ABCB1: variants seen among roughly 807,000 people sequenced by gnomAD.
The protein encoded by ABCB1 is ATP binding cassette subfamily B member 1, also known as ATP-dependent translocase ABCB1.
ABCB1 carries 69 observed loss-of-function variants against 142.0 expected under a neutral mutation model. That is an observed-to-expected ratio of 0.49 (90% CI 0.40 to 0.59). The LOEUF is 0.59. Among genes scored for constraint, ABCB1 ranks in the 20% least tolerant of loss-of-function variants. The pLI is 0.00. For missense variants in ABCB1, 1,326 were observed against 1,554.7 expected (o/e 0.85, Z 2.47); for synonymous variants, 532 against 539.2 (o/e 0.99, Z 0.18).
intron 1 of ABCB1, among the ~76,000 whole-genome samples, chr7:87,687,455 TCTTAA>T (rs1311068387): frequency 6.6e-6 from 1 of 152,166 alleles, no homozygotes; most frequent in African/African-American, 2.4e-5. Flanking sequence ...TTACATTAAG[TCTTAA>T]CTTCTAGCAT....
chr7:87,703,898 T>C (rs1196137039), intron 1 of ABCB1, among the ~76,000 whole-genome samples: 8 of 112,870 alleles, frequency 7.1e-5, no homozygotes, highest in African/African-American at 2.8e-4. Context: ...TTTTTTTTTT[T>C]TTTTTTTTTT....
At chr7:87,532,199 T>C (rs1269147964) in intron 20 of ABCB1, among the ~76,000 whole-genome samples, 1 of 152,146 alleles carries the variant, frequency 6.6e-6, no homozygotes, top group African/African-American at 2.4e-5. Flanking sequence ...CACTCTATAA[T>C]TTAGTCCAGC....
intron 14 of ABCB1, among the ~76,000 whole-genome samples, chr7:87,546,856 G>A (rs1435194088): frequency 2.0e-5 from 3 of 152,146 alleles, no homozygotes; most frequent in African/African-American, 7.2e-5. Flanking sequence ...GAAACTGTGT[G>A]AGACTCAATT....
intron 3 of ABCB1, among the ~76,000 whole-genome samples, chr7:87,590,291 G>T (rs948797704): frequency 6.6e-6 from 1 of 152,204 alleles, no homozygotes; most frequent in Non-Finnish European, 1.5e-5. Context: ...AAGTTGCTAT[G>T]AAAGTTCCAG....
chr7:87,677,662 A>G (rs544023490), intron 1 of ABCB1, among the ~76,000 whole-genome samples: 1 of 152,318 alleles, frequency 6.6e-6, no homozygotes, highest in Non-Finnish European at 1.5e-5. Context: ...TACACACACA[A>G]AAATCCAAAA....
intron 1 of ABCB1, among the ~76,000 whole-genome samples, chr7:87,612,546 G>A (rs1584922734): frequency 6.6e-6 from 1 of 152,194 alleles, no homozygotes; most frequent in South Asian, 2.1e-4. Flanking sequence ...GATTTTGTGT[G>A]CTTTGTCAAA....
intron 8 of ABCB1, among the ~76,000 whole-genome samples, chr7:87,557,375 A>C (rs1303775300): frequency 2.6e-5 from 4 of 152,212 alleles, no homozygotes; most frequent in Non-Finnish European, 4.4e-5. Flanking sequence ...GTGCTGAATA[A>C]ATTTGTCAAA....
At chr7:87,505,520 T>C (rs947960042) in intron 27 of ABCB1, among the ~76,000 whole-genome samples, 1 of 152,212 alleles carries the variant, frequency 6.6e-6, no homozygotes, top group Non-Finnish European at 1.5e-5. Context: ...ACGTTTTCTC[T>C]GACTAGAAAT....
chr7:87,588,455 T>C (rs1311283719), intron 3 of ABCB1, among the ~76,000 whole-genome samples: 10 of 152,168 alleles, frequency 6.6e-5, no homozygotes, highest in Non-Finnish European at 5.9e-5. Flanking sequence ...GTTCCTGTAT[T>C]AGTTTGCTAA....
At chr7:87,620,210 G>C (rs1820176290) in intron 1 of ABCB1, among the ~76,000 whole-genome samples, 1 of 151,568 alleles carries the variant, frequency 6.6e-6, no homozygotes, top group African/African-American at 2.4e-5. Context: ...GCCCAGGCTG[G>C]ACTGCAATGG....
intron 8 of ABCB1, among the ~76,000 whole-genome samples, chr7:87,555,263 G>T (rs142948049): frequency 6.6e-6 from 1 of 152,134 alleles, no homozygotes; most frequent in Non-Finnish European, 1.5e-5. Flanking sequence ...TTTCTTAATC[G>T]CAACTCCCTG....
upstream of ABCB1, among the ~76,000 whole-genome samples, chr7:87,605,615 C>A (rs1358451721): frequency 1.3e-5 from 2 of 152,102 alleles, no homozygotes; most frequent in African/African-American, 4.8e-5. Context: ...AATGAAGTGG[C>A]AACTCTTGGA....
chr7:87,686,606 A>C (rs28381744), intron 1 of ABCB1, among the ~76,000 whole-genome samples: 3,011 of 152,172 alleles, frequency 0.02, 45 homozygotes, highest in Middle Eastern at 0.034. Flanking sequence ...GGGATGTATT[A>C]GTGATTTTTG....
chr7:87,536,932 C>G (rs1816320109), intron 19 of ABCB1: 1 of 282,188 alleles, frequency 3.5e-6, no homozygotes, highest in Non-Finnish European at 6.8e-6. Flanking sequence ...AAACAGAAGG[C>G]CTTTCTAAGG....
intron 1 of ABCB1, among the ~76,000 whole-genome samples, chr7:87,686,552 C>A (rs1411282746): frequency 6.6e-6 from 1 of 152,046 alleles, no homozygotes; most frequent in Non-Finnish European, 1.5e-5. Flanking sequence ...GCAGTAAAGT[C>A]ATCAGAGACA....
intron 6 of ABCB1, 143 bp from the exon 7 acceptor site, chr7:87,566,384 C>T (rs891929642): frequency 1.2e-6 from 1 of 839,752 alleles, no homozygotes. Context: ...GTAGAAGTTT[C>T]TACTAGGATA....
In ABCB1 at chr7:87,516,386, T is replaced by C. The variant is rs1815249771; in HGVS notation, c.3084+123A>G. 5.6e-6 allele frequency: 7 copies of C among 1,254,012 alleles called. No homozygotes were observed. In the Admixed American group the frequency reaches 7.1e-5, roughly 13 times the overall value. The allele number at this position is 1,254,012 out of a possible 1,614,324, so 77.7% of individuals were successfully genotyped here. On this transcript the variant is annotated intron_variant, in intron 24 of 27. Transcript: ENST00000622132. ...ATTAGCAGTAATTGAAAGGAATCTA[T>C]GATCTAGGAAGTTTTATTTTATCAT...
intron 4 of ABCB1, among the ~76,000 whole-genome samples, chr7:87,581,012 A>C (rs986393887): frequency 6.6e-6 from 1 of 151,120 alleles, no homozygotes; most frequent in African/African-American, 2.4e-5. Flanking sequence ...TGTTTTGTGA[A>C]TAGTTGTTCA....
intron 1 of ABCB1, among the ~76,000 whole-genome samples, chr7:87,642,660 T>C (rs1326176900): frequency 1.3e-5 from 2 of 152,044 alleles, no homozygotes; most frequent in Non-Finnish European, 2.9e-5. Flanking sequence ...CTTGAAGTTC[T>C]AGGGTACATG....
Sources: allele counts gnomAD v4.1 joint callset (sites outside exome capture counted in the v4.1 genomes callset), GRCh38; gene constraint gnomAD v4.1.1; transcripts MANE v1.5; gene names NCBI Gene and HGNC (gene_info 2026-07-23, HGNC 2026-07-21).